Variants in CC2D2B observed in about 807,000 individuals in gnomAD.
The protein encoded by CC2D2B is coiled-coil and C2 domain containing 2B, also known as protein CC2D2B.
A neutral mutation model predicts 161.2 loss-of-function variants in CC2D2B; 128 were observed. The ratio of observed to expected loss-of-function variants is 0.79; its 90% CI spans 0.69 to 0.92. CC2D2B has a LOEUF of 0.92. Among genes scored for constraint, CC2D2B ranks in the 40% least tolerant of loss-of-function variants. The pLI is 0.00. For synonymous variants in CC2D2B, 391 were observed against 449.8 expected (o/e 0.87, Z 1.65); for missense variants, 1,173 against 1,375.1 (o/e 0.85, Z 2.32).
intron 22 of CC2D2B, among the ~76,000 whole-genome samples, chr10:95,993,950 GTGTATATATATATA>G (rs1255779561): frequency 1.6e-3 from 22 of 13,712 alleles, no homozygotes; most frequent in African/African-American, 4.8e-3. Context: ...GTGTATGTAT[GTGTATATATATATA>G]TATATATATA....
rs1414437876 is a variant in CC2D2B at position 96,012,551 on chromosome 10, T to C, written c.3248T>C (p.Val1083Ala). The C allele has an allele frequency of 3.2e-5, 52 of 1,610,582 alleles. No individual in the cohort carries two copies. The highest frequency in any genetic ancestry group is 4.1e-5 in the Non-Finnish European group (48 of 1,177,102). The change falls in exon 28 of 35, where the codon GTC becomes GCC. Residue 1083 changes from valine to alanine, a missense_variant. Around this residue, in one of 3 missense-constraint regions of CC2D2B, gnomAD observed 598 missense variants for 693.2 expected, o/e 0.86. Transcript: ENST00000646931. ...TLDKFLDQTE[V>A]LQRAQIFKKN... The stretch of plus-strand genomic sequence containing the variant: ...TTGTAGTTTTTAGATCAAACAGAGG[T>C]CTTGCAGAGAGCACAGATTTTTAAA...
rs867696530 is a variant in CC2D2B, at chr10:95,911,107, C to T, written c.-23-194C>T. ...CCTCTTACTTCCTTCTTTTGCACAT[C>T]TTATTGCATTAACCGGGATTTCTAT... On this transcript the variant is annotated intron_variant, in intron 1 of 34. Transcript: ENST00000646931. The T allele has an allele frequency of 1.6e-4, 28 of 173,668 alleles. 1 individual carries two copies. The highest frequency in any genetic ancestry group is 5.2e-4 in the African/African-American group (22 of 42,620). The allele number at this position is 173,668 out of a possible 1,614,324, so 10.8% of individuals were successfully genotyped here.
At chr10:95,956,984 A>C (rs1221829532) in intron 11 of CC2D2B, among the ~76,000 whole-genome samples, 2 of 152,134 alleles carry the variant, frequency 1.3e-5, no homozygotes, top group African/African-American at 2.4e-5. Flanking sequence ...TATATTTTGG[A>C]ACTCTGGAGT....
chr10:95,931,274 C>T (rs1221056305), intron 6 of CC2D2B, among the ~76,000 whole-genome samples: 2 of 152,136 alleles, frequency 1.3e-5, no homozygotes, highest in East Asian at 3.8e-4. Context: ...ATTCTCCTCT[C>T]TTTTCTTCTT....
intron 2 of CC2D2B, among the ~76,000 whole-genome samples, chr10:95,912,796 C>A (rs932644647): frequency 6.6e-6 from 1 of 151,914 alleles, no homozygotes; most frequent in African/African-American, 2.4e-5. Context: ...TTTTATATTC[C>A]AGAGAACAAT....
In CC2D2B at chr10:96,032,683, G is replaced by A; in HGVS notation, c.*675G>A. The A allele has an allele frequency of 2.4e-6, 1 of 422,622 alleles. No homozygotes were observed. Among genetic ancestry groups the A allele is most frequent in the South Asian group, 1.8e-5 (1 of 55,984 alleles). The allele number at this position is 422,622 out of a possible 1,614,324, so 26.2% of individuals were successfully genotyped here. ...AAAATAAAATCTACCATGTTGGGCT[G>A]ATGTTGGCTTCTGGAAGCTTCTCAA... On this transcript the variant is annotated 3_prime_UTR_variant, in exon 35 of 35. Transcript: ENST00000646931.
chr10:96,016,927 C>T (rs773815534), intron 30 of CC2D2B, among the ~76,000 whole-genome samples: 3 of 152,070 alleles, frequency 2.0e-5, no homozygotes, highest in Non-Finnish European at 2.9e-5. Context: ...TCATGTTGGC[C>T]AGGCTGGTCT....
intron 32 of CC2D2B, among the ~76,000 whole-genome samples, chr10:96,022,163 C>T (rs1236735576): frequency 1.3e-5 from 2 of 151,974 alleles, no homozygotes; most frequent in Non-Finnish European, 2.9e-5. Flanking sequence ...ACTGAAAATA[C>T]AAAAAAATTT....
chr10:95,942,271 G>T (rs1564603985), intron 9 of CC2D2B, among the ~76,000 whole-genome samples: 1 of 152,072 alleles, frequency 6.6e-6, no homozygotes, highest in African/African-American at 2.4e-5. Context: ...ATAGTTAATA[G>T]TACTGTAAAC....
At chr10:96,025,154 A>AAATATAT (rs1491259451) in intron 33 of CC2D2B, among the ~76,000 whole-genome samples, 4 of 20,084 alleles carry the variant, frequency 2.0e-4, no homozygotes, top group Non-Finnish European at 7.8e-5. Flanking sequence ...ACTAAAAAAA[A>AAATATAT]ATATATATAT....
At chr10:95,995,417 A>G in intron 23 of CC2D2B, 52 bp downstream of exon 23, 1 of 908,458 alleles carries the variant, frequency 1.1e-6, no homozygotes, top group Non-Finnish European at 1.6e-6. Flanking sequence ...TTTGTTCTGA[A>G]TTACAATTGA....
chr10:95,934,319 G>A (rs958785826), intron 6 of CC2D2B, among the ~76,000 whole-genome samples: 7 of 152,106 alleles, frequency 4.6e-5, no homozygotes, highest in African/African-American at 9.7e-5. Flanking sequence ...GCGGGGCTCC[G>A]TCGGGGTGGG....
intron 24 of CC2D2B, chr10:96,000,143 T>C: frequency 1.4e-6 from 2 of 1,473,456 alleles, no homozygotes; most frequent in Non-Finnish European, 1.8e-6. Flanking sequence ...TCACCTTTCT[T>C]ATAGATTCGC....
At chr10:95,943,805 A>G (rs2076102326) in intron 9 of CC2D2B, among the ~76,000 whole-genome samples, 1 of 152,086 alleles carries the variant, frequency 6.6e-6, no homozygotes, top group African/African-American at 2.4e-5. Flanking sequence ...TAAAAATTGT[A>G]TTCTACATTA....
intron 5 of CC2D2B, 127 bp downstream of exon 5, chr10:95,924,971 A>G: frequency 1.7e-6 from 1 of 580,232 alleles, no homozygotes; most frequent in East Asian, 2.8e-5. Flanking sequence ...AGAATTGTTC[A>G]ATCAATACCA....
chr10:95,944,978 C>T (rs1463698166), intron 9 of CC2D2B, among the ~76,000 whole-genome samples: 1 of 152,176 alleles, frequency 6.6e-6, no homozygotes, highest in African/African-American at 2.4e-5. Flanking sequence ...CATTAAGGCC[C>T]CTCCGCTATT....
chr10:95,977,617 CAGTT>C (rs2077366223), intron 17 of CC2D2B, among the ~76,000 whole-genome samples: 1 of 152,134 alleles, frequency 6.6e-6, no homozygotes, highest in Non-Finnish European at 1.5e-5. Context: ...ATGATTCTTT[CAGTT>C]AGTTTCTATG....
intron 11 of CC2D2B, among the ~76,000 whole-genome samples, chr10:95,959,891 C>T (rs2076703525): frequency 6.6e-6 from 1 of 152,024 alleles, no homozygotes; most frequent in Admixed American, 6.6e-5. Context: ...GGCAAAGTAC[C>T]TCTAAATTTG....
intron 32 of CC2D2B, among the ~76,000 whole-genome samples, chr10:96,024,468 T>C (rs971836579): frequency 2.0e-5 from 3 of 152,204 alleles, no homozygotes; most frequent in Non-Finnish European, 4.4e-5. Flanking sequence ...GTAGGCACTA[T>C]TATTATCCCT....
Sources: allele counts gnomAD v4.1 joint callset (sites outside exome capture counted in the v4.1 genomes callset), GRCh38; gene constraint gnomAD v4.1.1; regional missense constraint gnomAD v4.1.1; transcripts MANE v1.5; gene names NCBI Gene and HGNC (gene_info 2026-07-23, HGNC 2026-07-21).